TRAPPC10: variants seen among roughly 807,000 people sequenced by gnomAD.
TRAPPC10 encodes TRAPP 130 kDa subunit.
TRAPPC10 carries 23 observed loss-of-function variants against 125.5 expected under a neutral mutation model. That is an observed-to-expected ratio of 0.18 (90% CI 0.13 to 0.26). The LOEUF (loss-of-function observed/expected upper bound fraction) is 0.26, where lower values mean the gene tolerates loss of function less well. Among genes scored for constraint, TRAPPC10 ranks in the 10% least tolerant of loss-of-function variants. The probability of loss-of-function intolerance (pLI) is 1.00; values close to 1 mark genes in which losing one functional copy is unlikely to be tolerated. For missense variants in TRAPPC10, 1,123 were observed against 1,308.4 expected (o/e 0.86, Z 2.19); for synonymous variants, 509 against 518.0 (o/e 0.98, Z 0.24).
chr21:44,026,068 GA>G (rs922653939), intron 1 of TRAPPC10, among the ~76,000 whole-genome samples: 1 of 152,118 alleles, frequency 6.6e-6, no homozygotes, highest in Non-Finnish European at 1.5e-5. Context: ...GCCTTCTAAT[GA>G]AGGGAGGACA....
chr21:44,066,572 T>C (rs1321002681), intron 7 of TRAPPC10, among the ~76,000 whole-genome samples: 2 of 152,238 alleles, frequency 1.3e-5, no homozygotes, highest in Non-Finnish European at 2.9e-5. Flanking sequence ...TTGAATGTTT[T>C]CTTTATGTAA....
At chr21:44,057,330 G>C (rs1486641233) in intron 5 of TRAPPC10, among the ~76,000 whole-genome samples, 4 of 150,716 alleles carry the variant, frequency 2.7e-5, no homozygotes, top group African/African-American at 9.8e-5. Flanking sequence ...ATGGAGTCTT[G>C]CTCTGTCACC....
intron 3 of TRAPPC10, among the ~76,000 whole-genome samples, chr21:44,041,101 G>A (rs1444619394): frequency 6.6e-6 from 1 of 152,026 alleles, no homozygotes; most frequent in Non-Finnish European, 1.5e-5. Context: ...TGAGGTTTTG[G>A]TATTGATGTT....
intron 1 of TRAPPC10, among the ~76,000 whole-genome samples, chr21:44,021,436 T>C (rs1241307299): frequency 6.6e-6 from 1 of 152,046 alleles, no homozygotes; most frequent in African/African-American, 2.4e-5. Context: ...GGAAGAACTG[T>C]AACATTTCAC....
chr21:44,041,963 C>T (rs933917048), intron 3 of TRAPPC10, among the ~76,000 whole-genome samples: 4 of 152,016 alleles, frequency 2.6e-5, no homozygotes, highest in Non-Finnish European at 1.5e-5. Flanking sequence ...TGACATCAGG[C>T]GATCTCCCAA....
rs1601519921 is a variant in TRAPPC10 at position 44,012,408 on chromosome 21, C to T, written c.-86C>T. On this transcript the variant is annotated 5_prime_UTR_variant, in exon 1 of 23. Coordinates refer to ENST00000291574, the MANE Select transcript of TRAPPC10 (RefSeq NM_003274.5). Reference sequence around the variant, plus strand: ...TGGCGCGGCCGGGCGGGCGGCGCCGCTCAGGCTCGGGCTCCGGCTGGGCCC... The same window carrying T: ...TGGCGCGGCCGGGCGGGCGGCGCCGTTCAGGCTCGGGCTCCGGCTGGGCCC... The T allele has an allele frequency of 1.2e-6, 1 of 865,640 alleles. No homozygotes were observed. The highest frequency in any genetic ancestry group is 1.4e-6 in the Non-Finnish European group (1 of 711,514). The allele number at this position is 865,640 out of a possible 1,614,324, so 53.6% of individuals were successfully genotyped here.
intron 2 of TRAPPC10, among the ~76,000 whole-genome samples, chr21:44,036,927 C>G (rs1287866843): frequency 6.6e-6 from 1 of 152,040 alleles, no homozygotes; most frequent in Non-Finnish European, 1.5e-5. Flanking sequence ...TTCAAACCAG[C>G]AGAGAGAAAA....
At chr21:44,029,135 C>T (rs1167584214) in intron 1 of TRAPPC10, among the ~76,000 whole-genome samples, 1 of 152,206 alleles carries the variant, frequency 6.6e-6, no homozygotes, top group African/African-American at 2.4e-5. Flanking sequence ...CGCTCTGTCG[C>T]CCGGGCTGGA....
chr21:44,046,700 G>T (rs1400350211), intron 3 of TRAPPC10: 3 of 319,332 alleles, frequency 9.4e-6, no homozygotes, highest in Non-Finnish European at 5.9e-6. Flanking sequence ...TAGAGACGGG[G>T]TTTCTCCATG....
rs147039904 is a variant in TRAPPC10, at chr21:44,050,928, G to C, written c.286-1352G>C. On this transcript the variant is annotated intron_variant, in intron 3 of 22. Transcript: ENST00000291574. ...GATTTAATATTTTTTTTTTGGAGAC[G>C]CAGTCTCGCTCTGTCGCCCAGGCTG... 3.7e-3 allele frequency among the ~76,000 whole-genome samples: 567 copies of C among 152,064 alleles called. 7 individuals are homozygous for C. The highest frequency in any genetic ancestry group is 0.013 in the African/African-American group (541 of 41,502).
chr21:44,019,172 T>G (rs2299813), intron 1 of TRAPPC10, among the ~76,000 whole-genome samples: 52,892 of 152,020 alleles, frequency 0.35, 13,436 homozygotes, highest in African/African-American at 0.72. Flanking sequence ...TTCTCCCACC[T>G]CAATCTCCCG....
chr21:44,031,930 C>T lies in TRAPPC10; in HGVS notation c.68-161C>T, dbSNP rs533011102. Among the ~76,000 whole-genome samples, 73 of 152,282 alleles carry T rather than the reference C, an allele frequency of 4.8e-4. 1 individual carries two copies. In the Middle Eastern group the frequency reaches 0.02, roughly 43 times the overall value. ...TCACATCTGTCCCGTGCTGGGTTTT[C>T]CTGAGACGTGTTATGTAGAGGCACA... On this transcript the variant is annotated intron_variant, in intron 1 of 22. Transcript: ENST00000291574.
In TRAPPC10 at chr21:44,087,764, G is replaced by A; in HGVS notation, c.2605G>A (p.Val869Ile). The change falls in exon 17 of 23, where the codon GTT (valine) becomes ATT (isoleucine). Residue 869 changes from valine to isoleucine, a missense_variant. Coordinates refer to ENST00000291574, the MANE Select transcript of TRAPPC10 (RefSeq NM_003274.5). The surrounding 1 kb of genome is among the most constrained non-coding windows in gnomAD (Gnocchi z 4.6). The stretch of plus-strand genomic sequence containing the variant: ...CAAGGTCACGAGCATCAGTCTGCCT[G>A]TTGCGCCTGCGTACCACGTGATCGA... ...SDKVTSISLP[V>I]APAYHVIEFE... 1.2e-6 allele frequency: 2 copies of A among 1,614,212 alleles called. No individual in the cohort carries two copies. The highest frequency in any genetic ancestry group is 2.7e-5 in the African/African-American group (2 of 75,070).
At chr21:44,035,890 G>A (rs1441484812) in intron 2 of TRAPPC10, among the ~76,000 whole-genome samples, 1 of 152,182 alleles carries the variant, frequency 6.6e-6, no homozygotes, top group Non-Finnish European at 1.5e-5. Flanking sequence ...TTTGCCAGAT[G>A]CACTAAACAG....
intron 5 of TRAPPC10, among the ~76,000 whole-genome samples, chr21:44,056,614 G>A (rs193229351): frequency 1.3e-5 from 2 of 152,084 alleles, no homozygotes; most frequent in Admixed American, 1.3e-4. Context: ...ATCATCTCAC[G>A]GCAGTCACGG....
At chr21:44,024,718 C>T (rs2032886182) in intron 1 of TRAPPC10, among the ~76,000 whole-genome samples, 1 of 152,046 alleles carries the variant, frequency 6.6e-6, no homozygotes, top group Admixed American at 6.6e-5. Flanking sequence ...TTAGGGAAAA[C>T]CTTGAAAAAA....
chr21:44,063,735 C>T lies in TRAPPC10; in HGVS notation c.988C>T (p.Arg330Cys), dbSNP rs1463622398. ...FLQRPWEVAQRALELLHNCVQ... is the reference protein window; with the variant it reads ...FLQRPWEVAQCALELLHNCVQ... Reference sequence around the variant, plus strand: ...GCAGAGGCCGTGGGAGGTGGCCCAGCGCGCCCTAGAGCTGCTGCACAACTG... The same window carrying T: ...GCAGAGGCCGTGGGAGGTGGCCCAGTGCGCCCTAGAGCTGCTGCACAACTG... The change falls in exon 7 of 23, where the codon CGC becomes TGC. Residue 330 changes from arginine to cysteine, a missense_variant. Arg to Cys is a radical substitution (Grantham distance 180). Around this residue, in one of 4 missense-constraint regions of TRAPPC10, gnomAD observed 91 missense variants for 127.1 expected, o/e 0.72. Transcript: ENST00000291574. The surrounding 1 kb of genome is among the most constrained non-coding windows in gnomAD (Gnocchi z 4.4). 1.9e-6 allele frequency: 3 copies of T among 1,614,142 alleles called. No individual in the cohort carries two copies. The highest frequency in any genetic ancestry group is 2.2e-5 in the East Asian group (1 of 44,884).
chr21:44,017,088 A>G (rs1265672775), intron 1 of TRAPPC10, among the ~76,000 whole-genome samples: 2 of 152,250 alleles, frequency 1.3e-5, no homozygotes, highest in African/African-American at 4.8e-5. Flanking sequence ...TGAATATGTT[A>G]TAAATGCAGA....
chr21:44,079,931 T>C (rs2037564040), intron 12 of TRAPPC10, 84 bp from the exon 13 acceptor site: 1 of 1,283,614 alleles, frequency 7.8e-7, no homozygotes, highest in South Asian at 1.3e-5. Flanking sequence ...GAAGCCTCTG[T>C]GAAGGCCGTA....
Sources: allele counts gnomAD v4.1 joint callset (sites outside exome capture counted in the v4.1 genomes callset), GRCh38; gene constraint gnomAD v4.1.1; regional missense constraint gnomAD v4.1.1; non-coding constraint Gnocchi (gnomAD v3.1); transcripts MANE v1.5; gene names NCBI Gene and HGNC (gene_info 2026-07-23, HGNC 2026-07-21).